Variants in MID2 observed in about 807,000 individuals in gnomAD.
The protein encoded by MID2 is probable E3 ubiquitin-protein ligase MID2.
Under a neutral mutation model 46.1 loss-of-function variants are expected in MID2, and 13 were observed. The ratio of observed to expected loss-of-function variants is 0.28; its 90% CI spans 0.18 to 0.45. The LOEUF is 0.45. Among genes scored for constraint, MID2 ranks in the 20% least tolerant of loss-of-function variants. The pLI, the probability that MID2 is intolerant of heterozygous loss-of-function variation, is 1.00. For synonymous variants in MID2, 199 were observed against 212.3 expected (o/e 0.94, Z 0.55); for missense variants, 431 against 575.4 (o/e 0.75, Z 2.57).
At position 107,841,072 on chromosome X, in the gene MID2, G is replaced by A. The variant is rs750817919; in HGVS notation, c.407G>A (p.Arg136Gln). ...YRPTTAMSSERIACQFCEQDP... is the reference protein window; with the variant it reads ...YRPTTAMSSEQIACQFCEQDP... Reference sequence around the variant, plus strand: ...CCCACCACTGCCATGTCTAGCGAGCGAATTGCTTGCCAATTCTGTGAGCAG... The same window carrying A: ...CCCACCACTGCCATGTCTAGCGAGCAAATTGCTTGCCAATTCTGTGAGCAG... The change falls in exon 2 of 10, where the codon CGA becomes CAA. Residue 136 changes from arginine (R) to glutamine (Q), a missense_variant. By Grantham distance (43) the Arg-to-Gln change is conservative. Coordinates refer to ENST00000262843, the MANE Select transcript of MID2 (RefSeq NM_012216.4). The A allele has an allele frequency of 8.3e-6, 10 of 1,209,439 alleles. No individual in the cohort carries two copies. The highest frequency in any genetic ancestry group is 3.5e-5 in the South Asian group (2 of 56,718).
At chrX:107,909,717 T>C (rs1408409307) in intron 5 of MID2, among the ~76,000 whole-genome samples, 1 of 112,519 alleles carries the variant, frequency 8.9e-6, no homozygotes, top group Non-Finnish European at 1.9e-5. Context: ...ATATTTCAAG[T>C]TAATTTTCAC....
chrX:107,861,149 C>T (rs758992494), intron 3 of MID2, among the ~76,000 whole-genome samples: 2 of 111,505 alleles, frequency 1.8e-5, no homozygotes, highest in East Asian at 5.6e-4. Context: ...GGAAAACCAA[C>T]AAAAACAGAG....
chrX:107,828,096 C>T (rs1930995671), intron 1 of MID2, among the ~76,000 whole-genome samples: 1 of 110,295 alleles, frequency 9.1e-6, no homozygotes, highest in African/African-American at 3.3e-5. Context: ...GAGATCTGGT[C>T]GTTTAAAAGT....
chrX:107,857,504 C>A (rs1163479578), intron 3 of MID2, among the ~76,000 whole-genome samples: 1 of 111,878 alleles, frequency 8.9e-6, no homozygotes, highest in Non-Finnish European at 1.9e-5. Flanking sequence ...TGGTCTTGAA[C>A]TCCTGAGCTC....
rs151065224 is a variant in MID2 at position 107,841,164 on chromosome X, C to T, written c.499C>T (p.Arg167Trp). The T allele has an allele frequency of 1.7e-6, 2 of 1,211,200 alleles. No individual in the cohort carries two copies. The highest frequency in any genetic ancestry group is 3.5e-5 in the South Asian group (2 of 56,819). ...CEVSYCDRCL[R>W]ATHPNKKPFT... is the part of the protein sequence containing the mutation. Reference sequence around the variant, plus strand: ...GGTCTCCTACTGTGACCGTTGCCTGCGGGCCACGCACCCCAACAAGAAACC... The same window carrying T: ...GGTCTCCTACTGTGACCGTTGCCTGTGGGCCACGCACCCCAACAAGAAACC... Residue 167 changes from arginine (R) to tryptophan (W), a missense_variant, in exon 2 of 10, where the codon CGG becomes TGG. Physicochemically the swap from Arg to Trp is moderately radical, Grantham distance 101. Coordinates refer to ENST00000262843, the MANE Select transcript of MID2 (RefSeq NM_012216.4).
At chrX:107,869,915 T>C (rs925970876) in intron 3 of MID2, among the ~76,000 whole-genome samples, 1 of 111,546 alleles carries the variant, frequency 9.0e-6, no homozygotes, top group Non-Finnish European at 1.9e-5. Flanking sequence ...TTTCATGTTC[T>C]AACTTTCTTT....
intron 3 of MID2, among the ~76,000 whole-genome samples, chrX:107,901,781 G>A (rs2147861876): frequency 9.0e-6 from 1 of 111,578 alleles, no homozygotes; most frequent in African/African-American, 3.2e-5. Context: ...CTTTGAGAAG[G>A]GCCTTAAAAG....
At chrX:107,864,794 C>T (rs1035019396) in intron 3 of MID2, among the ~76,000 whole-genome samples, 3 of 111,765 alleles carry the variant, frequency 2.7e-5, no homozygotes, top group African/African-American at 9.8e-5. Context: ...GGAATGATTA[C>T]TTAGAAGTAC....
rs1047266557 is a variant in MID2 at position 107,826,220 on chromosome X, G to C, written c.-207G>C. 83 of 328,843 alleles carry C rather than the reference G, an allele frequency of 2.5e-4. No individual in the cohort carries two copies. The highest frequency in any genetic ancestry group is 2.5e-4 in the Admixed American group (4 of 15,736). 27.1% of individuals were successfully genotyped at this position (328,843 alleles called of 1,213,427 possible). On this transcript the variant is annotated 5_prime_UTR_variant, in exon 1 of 10. Transcript: ENST00000262843. The stretch of plus-strand genomic sequence containing the variant: ...CCGTGCTGTCCCCTGCGGGGCGCGC[G>C]GGCTGGCGGATCCCGGCTGCTGCGC...
rs1001508783 is a variant in MID2 at position 107,928,890 on chromosome X, G to A, written c.*1817G>A. 1.8e-5 allele frequency among the ~76,000 whole-genome samples: 2 copies of A among 111,918 alleles called. No homozygotes were observed. Among genetic ancestry groups the A allele is most frequent in the Non-Finnish European group, 3.8e-5 (2 of 53,096 alleles). On this transcript the variant is annotated 3_prime_UTR_variant, in exon 10 of 10. Coordinates refer to ENST00000262843, the MANE Select transcript of MID2 (RefSeq NM_012216.4). ...ATTTTAAATACCATATGTGCTTACT[G>A]CTAATCAGGAAATGAACAACCTCAG...
At chrX:107,872,398 G>A (rs1055846609) in intron 3 of MID2, among the ~76,000 whole-genome samples, 3 of 112,534 alleles carry the variant, frequency 2.7e-5, no homozygotes, top group African/African-American at 9.7e-5. Context: ...CCATGGTATA[G>A]CACAGAATGG....
intron 3 of MID2, among the ~76,000 whole-genome samples, chrX:107,864,014 A>T (rs1268662777): frequency 8.9e-6 from 1 of 112,560 alleles, no homozygotes; most frequent in Non-Finnish European, 1.9e-5. Context: ...GGCCAGAGAT[A>T]TTAGATGCCT....
At chrX:107,879,122 A>G (rs1932266463) in intron 3 of MID2, among the ~76,000 whole-genome samples, 1 of 110,770 alleles carries the variant, frequency 9.0e-6, no homozygotes, top group African/African-American at 3.3e-5. Flanking sequence ...TGGGGCCATG[A>G]CCCCTGAAGC....
At chrX:107,880,019 G>A (rs1932286450) in intron 3 of MID2, among the ~76,000 whole-genome samples, 1 of 107,876 alleles carries the variant, frequency 9.3e-6, no homozygotes, top group Non-Finnish European at 1.9e-5. Context: ...CCTCTTGTCT[G>A]CTGCCCAGAT....
rs753426092 is a variant in MID2, at chrX:107,930,031, G to A, written c.*2958G>A. On this transcript the variant is annotated 3_prime_UTR_variant, in exon 10 of 10. Coordinates refer to ENST00000262843, the MANE Select transcript of MID2 (RefSeq NM_012216.4). ...TTTTTGACAAGCTCCTCATGATTCT[G>A]ATGCACCAAAAATTTTAATGAATAA... Among the ~76,000 whole-genome samples, 3 of 111,741 alleles carry A rather than the reference G, an allele frequency of 2.7e-5. No homozygotes were observed. Among genetic ancestry groups the A allele is most frequent in the Non-Finnish European group, 3.8e-5 (2 of 53,077 alleles).
intron 2 of MID2, among the ~76,000 whole-genome samples, chrX:107,844,906 T>C (rs1222419864): frequency 8.9e-6 from 1 of 112,059 alleles, no homozygotes; most frequent in Non-Finnish European, 1.9e-5. Flanking sequence ...AGAAATAATG[T>C]CTTGTATTTC....
chrX:107,889,971 G>C (rs369378158), intron 3 of MID2, among the ~76,000 whole-genome samples: 3 of 111,648 alleles, frequency 2.7e-5, no homozygotes, highest in East Asian at 5.6e-4. Context: ...AGCTCCATCA[G>C]GTCCTTTAAG....
chrX:107,874,191 G>C (rs776900373), intron 3 of MID2, among the ~76,000 whole-genome samples: 3 of 111,949 alleles, frequency 2.7e-5, no homozygotes, highest in Non-Finnish European at 5.7e-5. Context: ...TCACAGTCAT[G>C]TTCAAGCTTC....
chrX:107,868,979 T>C (rs929395108), intron 3 of MID2, among the ~76,000 whole-genome samples: 48 of 111,264 alleles, frequency 4.3e-4, no homozygotes, highest in African/African-American at 1.5e-3. Flanking sequence ...ACCTGTCACG[T>C]GTTGTGATAT....
Sources: gnomAD v4.1 joint callset for allele counts (sites outside exome capture counted in the v4.1 genomes callset) on GRCh38, gnomAD v4.1.1 for gene constraint, MANE v1.5 for transcripts, NCBI Gene and HGNC (gene_info 2026-07-23, HGNC 2026-07-21) for gene names.